RTL9: variants seen among roughly 807,000 people sequenced by gnomAD.
RTL9 encodes retrotransposon Gag-like protein 9.
In RTL9, 19 loss-of-function variants were observed where a neutral mutation model predicts 44.7. That is an observed-to-expected ratio of 0.42 (90% confidence interval 0.30 to 0.62). The LOEUF (loss-of-function observed/expected upper bound fraction) is 0.62, where lower values mean the gene tolerates loss of function less well. RTL9 is among the 20% of genes least tolerant of loss of function. The pLI is 0.16. For synonymous variants in RTL9, 407 were observed against 398.9 expected, an observed-to-expected ratio of 1.02 and a Z score of -0.24; for missense variants, 1,105 against 1,080.6, an observed-to-expected ratio of 1.02 and a Z score of -0.32.
At chrX:110,425,973 C>A (rs1017896093) in intron 1 of RTL9, among the ~76,000 whole-genome samples, 2 of 110,340 alleles carry the variant, frequency 1.8e-5, no homozygotes, top group African/African-American at 6.8e-5. Flanking sequence ...TTAGTGCGTG[C>A]GTGCGCGCAC....
chrX:110,383,953 C>T (rs2147051), intron 1 of RTL9, among the ~76,000 whole-genome samples: 12,688 of 111,477 alleles, frequency 0.11, 1,248 homozygotes, highest in African/African-American at 0.32. Flanking sequence ...GCTTCAGCTT[C>T]GTCATGTATA....
chrX:110,367,948 A>G (rs1275481924), intron 1 of RTL9, among the ~76,000 whole-genome samples: 16 of 106,778 alleles, frequency 1.5e-4, no homozygotes, highest in African/African-American at 5.4e-4. Flanking sequence ...AGTTGGAACT[A>G]CAGGTACTCA....
In RTL9 at chrX:110,453,840, A is replaced by AG. The variant is rs1375732175; in HGVS notation, c.3226dup (p.Ala1076GlyfsTer36). 7.4e-6 allele frequency: 9 copies of AG among 1,210,051 alleles called. No individual in the cohort carries two copies. The Admixed American group carries it at 2.0e-4, about 26-fold the overall frequency. On this transcript the variant is annotated frameshift_variant, in exon 1 of 2. Transcript: ENST00000540313. LOFTEE classifies it high-confidence loss of function. ...TAGAGGGATGTCCACACCACTAATG[A>AG]GGGCCTCAGGCCCTGGAACAATGTC... is the stretch of plus-strand genomic sequence containing the variant.
At chrX:110,395,115 C>A (rs1189789695) in intron 1 of RTL9, among the ~76,000 whole-genome samples, 3 of 112,608 alleles carry the variant, frequency 2.7e-5, no homozygotes, top group African/African-American at 9.7e-5. Flanking sequence ...GTTTCAGGGG[C>A]TGCTTTGTGG....
chrX:110,447,409 G>A (rs1447079800), upstream of RTL9, among the ~76,000 whole-genome samples: 2 of 110,221 alleles, frequency 1.8e-5, no homozygotes, highest in African/African-American at 3.3e-5. Flanking sequence ...ATTACTACAA[G>A]GATTCAGCCA....
rs2068964133 is a variant in RTL9, at chrX:110,453,941, T to G, written c.3324T>G (p.Ser1108=). The change falls in exon 1 of 2, where the codon TCT becomes TCG. Residue 1108 remains serine (S), a synonymous_variant. Transcript: ENST00000540313. ...CAGACTCTGGAGAGGCATCCACCTC[T>G]CACATTAACATCACAGCCTCTGGAT... The G allele has an allele frequency of 4.1e-6, 5 of 1,211,720 alleles. No homozygotes were observed. In the East Asian group the frequency reaches 1.5e-4, roughly 36 times the overall value.
upstream of RTL9, among the ~76,000 whole-genome samples, chrX:110,445,775 C>T (rs779062740): frequency 2.7e-5 from 3 of 112,020 alleles, no homozygotes; most frequent in East Asian, 8.4e-4. Flanking sequence ...TTTTGTGAGG[C>T]GGCAGGAGCA....
intron 1 of RTL9, among the ~76,000 whole-genome samples, chrX:110,432,519 G>A (rs745733496): frequency 2.7e-5 from 3 of 111,898 alleles, no homozygotes; most frequent in Non-Finnish European, 5.6e-5. Context: ...GTTGGGGGCC[G>A]TCAGGAGTGT....
chrX:110,433,776 C>T (rs1194227574), intron 1 of RTL9, among the ~76,000 whole-genome samples: 1 of 112,181 alleles, frequency 8.9e-6, no homozygotes, highest in East Asian at 2.8e-4. Context: ...TCATTATCGG[C>T]ATATTATATA....
intron 1 of RTL9, among the ~76,000 whole-genome samples, chrX:110,404,268 C>T (rs760559787): frequency 3.6e-5 from 4 of 111,736 alleles, no homozygotes; most frequent in East Asian, 5.6e-4. Context: ...ATCCCTTAAT[C>T]GTCTTCATTG....
intron 1 of RTL9, among the ~76,000 whole-genome samples, chrX:110,408,116 A>C (rs2068615683): frequency 8.9e-6 from 1 of 112,868 alleles, no homozygotes; most frequent in Admixed American, 9.3e-5. Flanking sequence ...TTAGAGAAGC[A>C]CTTGGCTTTG....
intron 1 of RTL9, among the ~76,000 whole-genome samples, chrX:110,443,922 A>G (rs1203639124): frequency 1.8e-5 from 2 of 112,480 alleles, no homozygotes; most frequent in Non-Finnish European, 3.8e-5. Context: ...AATCCTGTCC[A>G]TGCCTTTATT....
chrX:110,396,213 G>A (rs1380572159), intron 1 of RTL9, among the ~76,000 whole-genome samples: 1 of 110,420 alleles, frequency 9.1e-6, no homozygotes, highest in African/African-American at 3.3e-5. Flanking sequence ...TAAAATACAT[G>A]CTTGAAAAAA....
intron 1 of RTL9, among the ~76,000 whole-genome samples, chrX:110,407,256 T>A (rs2068609251): frequency 8.9e-6 from 1 of 112,233 alleles, no homozygotes; most frequent in South Asian, 3.7e-4. Context: ...TAAAAATACA[T>A]TCTCAATGGC....
At chrX:110,370,685 C>G (rs779766776) in intron 1 of RTL9, among the ~76,000 whole-genome samples, 2 of 112,249 alleles carry the variant, frequency 1.8e-5, no homozygotes, top group African/African-American at 6.5e-5. Context: ...CAAATGCCAT[C>G]GGGGCAAGCT....
upstream of RTL9, among the ~76,000 whole-genome samples, chrX:110,416,891 T>C (rs972058586): frequency 8.9e-5 from 10 of 111,862 alleles, no homozygotes; most frequent in African/African-American, 3.2e-4. Flanking sequence ...TGAACCTCTC[T>C]GAATGTCTGT....
intron 1 of RTL9, among the ~76,000 whole-genome samples, chrX:110,432,026 T>C (rs1179440276): frequency 8.9e-6 from 1 of 112,081 alleles, no homozygotes; most frequent in African/African-American, 3.2e-5. Flanking sequence ...GGAGGGTTTA[T>C]GTGTTTATTC....
intron 1 of RTL9, among the ~76,000 whole-genome samples, chrX:110,373,638 G>A (rs2068355282): frequency 8.9e-6 from 1 of 112,440 alleles, no homozygotes; most frequent in African/African-American, 3.2e-5. Context: ...AGATAATACA[G>A]TAATCTGAAA....
chrX:110,417,274 T>A (rs888460610), upstream of RTL9, among the ~76,000 whole-genome samples: 1 of 112,252 alleles, frequency 8.9e-6, no homozygotes, highest in Non-Finnish European at 1.9e-5. Context: ...AGGCCCAACC[T>A]GCCAGCTTGA....
Sources: allele counts gnomAD v4.1 joint callset (sites outside exome capture counted in the v4.1 genomes callset), GRCh38; gene constraint gnomAD v4.1.1; transcripts MANE v1.5; gene names NCBI Gene and HGNC (gene_info 2026-07-23, HGNC 2026-07-21).